Variants in FBXO21 observed in about 807,000 individuals in gnomAD.
FBXO21 encodes F-box only protein 21.
A neutral mutation model predicts 76.6 loss-of-function variants in FBXO21; 32 were observed. That is an observed-to-expected ratio of 0.42 (90% CI 0.32 to 0.56). The LOEUF (loss-of-function observed/expected upper bound fraction) is 0.56. Ranked by LOEUF, FBXO21 falls within the 20% of genes least tolerant of loss-of-function variation. The pLI is 0.16. For missense variants in FBXO21, 586 were observed against 797.3 expected (o/e 0.73, Z 3.19); for synonymous variants, 328 against 311.5 (o/e 1.05, Z -0.56).
rs762618269 is a variant in FBXO21, at chr12:117,174,760, G to A, written c.630C>T (p.Ser210=). Residue 210 remains serine, a synonymous_variant, in exon 5 of 12, where the codon TCC becomes TCT. Coordinates refer to ENST00000622495, the MANE Select transcript of FBXO21 (RefSeq NM_015002.3). ...CCTGGATGTCTTTGAGGCTGATGTC[G>A]GAGAGAGGATTGCAGTACTGGTCAA... ...VYIDQYCNPL[S]DISLKDIQAQ... is the part of the protein sequence containing the mutation. 1.1e-5 allele frequency: 18 copies of A among 1,613,944 alleles called. No individual in the cohort carries two copies. The highest frequency in any genetic ancestry group is 4.5e-5 in the East Asian group (2 of 44,890).
At chr12:117,181,430 G>A (rs569826508) in intron 3 of FBXO21, among the ~76,000 whole-genome samples, 47 of 152,188 alleles carry the variant, frequency 3.1e-4, no homozygotes, top group South Asian at 8.3e-4. Flanking sequence ...GATGCTCAAA[G>A]GACTTTCCTG....
At chr12:117,189,390 T>G in intron 1 of FBXO21, 28 bp from the exon 2 acceptor site, 1 of 1,613,486 alleles carries the variant, frequency 6.2e-7, no homozygotes, top group Non-Finnish European at 8.5e-7. Flanking sequence ...CCCCCTCAGC[T>G]TAACAGAAAC....
intron 11 of FBXO21, among the ~76,000 whole-genome samples, chr12:117,152,948 A>T (rs187396648): frequency 1.3e-5 from 2 of 152,278 alleles, no homozygotes; most frequent in South Asian, 2.1e-4. Context: ...ACTTCAAAGA[A>T]GATGAACGGA....
chr12:117,154,831 ATAATATTGAGT>A (rs1955891728), intron 11 of FBXO21, among the ~76,000 whole-genome samples: 1 of 152,226 alleles, frequency 6.6e-6, no homozygotes, highest in East Asian at 1.9e-4. Flanking sequence ...TTATCAGAAC[ATAATATTGAGT>A]TAGGTCAAAA....
chr12:117,180,880 A>G (rs923914943), intron 3 of FBXO21, among the ~76,000 whole-genome samples: 3 of 151,928 alleles, frequency 2.0e-5, no homozygotes, highest in African/African-American at 7.3e-5. Flanking sequence ...TGATCCGCCT[A>G]CCTCAGCCTC....
At chr12:117,170,627 G>A (rs904466053) in intron 7 of FBXO21, among the ~76,000 whole-genome samples, 1 of 152,244 alleles carries the variant, frequency 6.6e-6, no homozygotes, top group East Asian at 1.9e-4. Flanking sequence ...CCCTTATGGG[G>A]CTCAGTGCTT....
rs1319143656 is a variant in FBXO21 at position 117,190,451 on chromosome 12, C to T, written c.6G>A (p.Ala2=). 14 of 1,354,266 alleles carry T rather than the reference C, an allele frequency of 1.0e-5. No homozygotes were observed. The highest frequency in any genetic ancestry group is 1.4e-5 in the Non-Finnish European group (14 of 1,013,092). The allele number at this position is 1,354,266 out of a possible 1,614,324, so 83.9% of individuals were successfully genotyped here. A position where few individuals can be genotyped will look rare whatever the true frequency, so the allele number is the denominator to read the frequency against. The change falls in exon 1 of 12, where the codon GCG becomes GCA. Residue 2 remains alanine, a synonymous_variant. Coordinates refer to ENST00000622495, the MANE Select transcript of FBXO21 (RefSeq NM_015002.3). ...CCATCGCGCTGTCGACTGCTGCCGCCGCCATCTTGTCCGCGTACCTGGGGC... is the reference window on the plus strand; with the variant it reads ...CCATCGCGCTGTCGACTGCTGCCGCTGCCATCTTGTCCGCGTACCTGGGGC... M[A]AAAVDSAMEV... is the part of the protein sequence containing the mutation.
intron 4 of FBXO21, among the ~76,000 whole-genome samples, chr12:117,176,737 C>T (rs1956178583): frequency 6.6e-6 from 1 of 151,798 alleles, no homozygotes; most frequent in Non-Finnish European, 1.5e-5. Context: ...TTGAATCTAG[C>T]ATAGGTGACA....
At chr12:117,152,530 G>T (rs1179344485) in intron 11 of FBXO21, among the ~76,000 whole-genome samples, 2 of 99,636 alleles carry the variant, frequency 2.0e-5, no homozygotes, top group African/African-American at 2.7e-5. Flanking sequence ...ATATGAAAAA[G>T]GGGGGAAAAA....
chr12:117,163,181 G>T (rs537196169), intron 9 of FBXO21, among the ~76,000 whole-genome samples: 31 of 152,216 alleles, frequency 2.0e-4, no homozygotes, highest in Admixed American at 2.0e-3. Context: ...CCTAAAAGGG[G>T]ATGTTAATAG....
chr12:117,147,757 G>A (rs983819592), intron 11 of FBXO21, among the ~76,000 whole-genome samples: 1 of 152,188 alleles, frequency 6.6e-6, no homozygotes, highest in African/African-American at 2.4e-5. Flanking sequence ...CCTGGCCTAA[G>A]ACTGGGTGTG....
At chr12:117,164,644 G>T (rs1454059202) in intron 9 of FBXO21, among the ~76,000 whole-genome samples, 1 of 152,108 alleles carries the variant, frequency 6.6e-6, no homozygotes, top group African/African-American at 2.4e-5. Context: ...AACTATTTTA[G>T]ATCTCCGAAG....
chr12:117,166,887 G>GA lies in FBXO21; in HGVS notation c.1193+10dup, dbSNP rs1489082040. On this transcript the variant is annotated intron_variant, in intron 8 of 11. Coordinates refer to ENST00000622495, the MANE Select transcript of FBXO21 (RefSeq NM_015002.3). ...CTCTGCAGAAGTACTAGAAAACCAAGAAAACCTTACCGCTTCCCCAGGCTT... is the reference window on the plus strand; with the variant it reads ...CTCTGCAGAAGTACTAGAAAACCAAGAAAAACCTTACCGCTTCCCCAGGCTT... 2 of 1,613,124 alleles carry GA rather than the reference G, an allele frequency of 1.2e-6. No individual in the cohort carries two copies. Among genetic ancestry groups the GA allele is most frequent in the East Asian group, 2.2e-5 (1 of 44,864 alleles).
chr12:117,177,741 A>C (rs1403463126), intron 3 of FBXO21, 100 bp from the exon 4 acceptor site: 1 of 905,938 alleles, frequency 1.1e-6, no homozygotes, highest in Non-Finnish European at 1.7e-6. Flanking sequence ...AACAAGAAAA[A>C]TATAATTGGT....
intron 11 of FBXO21, among the ~76,000 whole-genome samples, chr12:117,148,473 G>T (rs1345955576): frequency 6.6e-6 from 1 of 152,256 alleles, no homozygotes; most frequent in Non-Finnish European, 1.5e-5. Context: ...GATCCTCCAA[G>T]AAAGGTGGGG....
chr12:117,149,985 C>G (rs369041090), intron 11 of FBXO21, among the ~76,000 whole-genome samples: 1 of 152,138 alleles, frequency 6.6e-6, no homozygotes, highest in African/African-American at 2.4e-5. Context: ...AGGGTGCTCC[C>G]AGCCCCACTC....
At chr12:117,168,280 C>T (rs1470919381) in intron 7 of FBXO21, among the ~76,000 whole-genome samples, 1 of 152,172 alleles carries the variant, frequency 6.6e-6, no homozygotes, top group Non-Finnish European at 1.5e-5. Context: ...AATCTCAGCA[C>T]TTTGGGAGGC....
Position 117,174,216 on chromosome 12 carries a change from A to G in FBXO21, c.865T>C (p.Tyr289His). 3.7e-6 allele frequency: 6 copies of G among 1,612,026 alleles called. No individual in the cohort carries two copies. Among genetic ancestry groups the G allele is most frequent in the Non-Finnish European group, 5.1e-6 (6 of 1,178,026 alleles). Residue 289 changes from tyrosine to histidine, a missense_variant, in exon 6 of 12, where the codon TAT becomes CAT. Transcript: ENST00000622495. ...RMDYYNALNL[Y>H]MHQVLIRRTG... is the part of the protein sequence containing the mutation. The stretch of plus-strand genomic sequence containing the variant: ...GTACCTATATTTACCTGATGCATAT[A>G]TAAGTTGAGGGCATTATAGTAATCC...
Position 117,190,316 on chromosome 12 carries a change from C to A in FBXO21, c.141G>T (p.Leu47=). Residue 47 remains leucine (L), a synonymous_variant, in exon 1 of 12, where the codon CTG becomes CTT. Transcript: ENST00000622495. Reference sequence around the variant, plus strand: ...AGACACGGCCGATGTCGGCGGCCGTCAGCGAGCCGCAGCACAGGATGTACT... The same window carrying A: ...AGACACGGCCGATGTCGGCGGCCGTAAGCGAGCCGCAGCACAGGATGTACT... ...VLEYILCCGS[L]TAADIGRVSS... The A allele has an allele frequency of 1.3e-6, 2 of 1,529,870 alleles. No homozygotes were observed. Among genetic ancestry groups the A allele is most frequent in the East Asian group, 2.7e-5 (1 of 36,778 alleles). The allele number at this position is 1,529,870 out of a possible 1,614,324, so 94.8% of individuals were successfully genotyped here. A position where few individuals can be genotyped will look rare whatever the true frequency, so the allele number is the denominator to read the frequency against.
Sources: allele counts gnomAD v4.1 joint callset (sites outside exome capture counted in the v4.1 genomes callset), GRCh38; gene constraint gnomAD v4.1.1; transcripts MANE v1.5; gene names NCBI Gene and HGNC (gene_info 2026-07-23, HGNC 2026-07-21).